Variants in HK1 observed in about 807,000 individuals in gnomAD.
HK1 encodes the protein hexokinase 1.
A neutral mutation model predicts 91.6 loss-of-function variants in HK1; 28 were observed. That is an observed-to-expected ratio of 0.31 (90% CI 0.23 to 0.42). The LOEUF (loss-of-function observed/expected upper bound fraction) is 0.42. Among genes scored for constraint, HK1 ranks in the 10% least tolerant of loss-of-function variants. HK1 has a pLI of 1.00. For synonymous variants in HK1, 430 were observed against 468.1 expected (o/e 0.92, Z 1.05); for missense variants, 770 against 1,219.8 (o/e 0.63, Z 5.49).
intron 3 of HK1, among the ~76,000 whole-genome samples, chr10:69,288,929 G>T (rs1175083941): frequency 6.6e-6 from 1 of 152,198 alleles, no homozygotes. Context: ...GGGATTACAG[G>T]CATGGGCCAC....
rs941768143 is a variant in HK1, at chr10:69,382,655, C to T, written c.1434C>T (p.His478=). Residue 478 remains histidine, a synonymous_variant, in exon 10 of 18, where the codon CAC becomes CAT. Transcript: ENST00000359426. ...RQIEETLAHF[H]LTKDMLLEVK... ...TAGAGGAGACCCTGGCTCATTTCCA[C>T]CTCACCAAGGACATGCTGCTGGAGG... The T allele has an allele frequency of 5.0e-6, 8 of 1,614,148 alleles. No homozygotes were observed. The highest frequency in any genetic ancestry group is 5.9e-6 in the Non-Finnish European group (7 of 1,180,022).
intron 1 of HK1, among the ~76,000 whole-genome samples, chr10:69,277,991 C>CCGTTG (rs1844552959): frequency 6.6e-6 from 1 of 151,968 alleles, no homozygotes; most frequent in Non-Finnish European, 1.5e-5. Flanking sequence ...CGAGATTGTG[C>CCGTTG]CATTGCACTC....
intron 1 of HK1, among the ~76,000 whole-genome samples, chr10:69,336,657 T>C (rs1164301613): frequency 1.3e-5 from 2 of 148,512 alleles, no homozygotes; most frequent in Non-Finnish European, 3.0e-5. Flanking sequence ...TTTTTTTTTT[T>C]GAGATGGATT....
intron 1 of HK1, among the ~76,000 whole-genome samples, chr10:69,332,707 A>G (rs1847798963): frequency 6.6e-6 from 1 of 151,988 alleles, no homozygotes; most frequent in Non-Finnish European, 1.5e-5. Flanking sequence ...AGATAAGGTA[A>G]ATGATTCCTG....
chr10:69,356,300 C>T (rs917573814), intron 2 of HK1, among the ~76,000 whole-genome samples: 3 of 151,662 alleles, frequency 2.0e-5, no homozygotes, highest in African/African-American at 4.8e-5. Flanking sequence ...CAGGTGTGGT[C>T]GTATGCCTGT....
intron 2 of HK1, among the ~76,000 whole-genome samples, chr10:69,286,055 C>T (rs1845016903): frequency 6.6e-6 from 1 of 152,140 alleles, no homozygotes; most frequent in Admixed American, 6.5e-5. Flanking sequence ...TCTGCAAGTA[C>T]TTTGGTAACT....
chr10:69,276,116 A>ATATATATATAT (rs1369009775), intron 1 of HK1, among the ~76,000 whole-genome samples: 8 of 42,558 alleles, frequency 1.9e-4, no homozygotes, highest in African/African-American at 5.0e-4. Context: ...AAAAAAAAAA[A>ATATATATATAT]AAATACATAT....
intron 1 of HK1, among the ~76,000 whole-genome samples, chr10:69,275,691 T>A (rs903017227): frequency 6.6e-6 from 1 of 152,210 alleles, no homozygotes; most frequent in African/African-American, 2.4e-5. Context: ...ATTCAGTTTG[T>A]CAATCCCTGG....
intron 2 of HK1, among the ~76,000 whole-genome samples, chr10:69,345,937 C>T (rs1237055597): frequency 6.6e-6 from 1 of 152,148 alleles, no homozygotes; most frequent in African/African-American, 2.4e-5. Flanking sequence ...CGGCACCCCC[C>T]CATTCCAAAT....
intron 1 of HK1, among the ~76,000 whole-genome samples, chr10:69,331,976 T>G (rs1847750977): frequency 6.6e-6 from 1 of 152,224 alleles, no homozygotes; most frequent in South Asian, 2.1e-4. Flanking sequence ...TTTGGGAGTC[T>G]GAGGCAGAAG....
At chr10:69,325,644 G>T (rs1164959595) in intron 1 of HK1, among the ~76,000 whole-genome samples, 1 of 150,698 alleles carries the variant, frequency 6.6e-6, no homozygotes, top group African/African-American at 2.4e-5. Flanking sequence ...TTCTGCCTCA[G>T]TGCCCCCCCC....
Position 69,384,887 on chromosome 10 carries a change from T to G in HK1, c.1811T>G (p.Phe604Cys). 6.2e-7 allele frequency: 1 copy of G among 1,614,184 alleles called. No individual in the cohort carries two copies. Among genetic ancestry groups the G allele is most frequent in the Non-Finnish European group, 8.5e-7 (1 of 1,180,024 alleles). The change falls in exon 12 of 18, where the codon TTT (phenylalanine) becomes TGT (cysteine). Residue 604 changes from phenylalanine to cysteine, a missense_variant. Phe to Cys is a radical substitution (Grantham distance 205). Coordinates refer to ENST00000359426, the MANE Select transcript of HK1 (RefSeq NM_000188.3). ...ATGCCTCTGGGCTTCACGTTCTCATTTCCCTGCCAGCAGACGAGTCTGGAC... is the reference window on the plus strand; with the variant it reads ...ATGCCTCTGGGCTTCACGTTCTCATGTCCCTGCCAGCAGACGAGTCTGGAC... ...PRMPLGFTFSFPCQQTSLDAG... is the reference protein window; with the variant it reads ...PRMPLGFTFSCPCQQTSLDAG...
intron 1 of HK1, among the ~76,000 whole-genome samples, chr10:69,341,334 G>A (rs1848282093): frequency 6.6e-6 from 1 of 150,718 alleles, no homozygotes; most frequent in Non-Finnish European, 1.5e-5. Context: ...GCTAATTTTT[G>A]TATTTTTTTA....
At chr10:69,351,146 G>A (rs981581100) in intron 2 of HK1, among the ~76,000 whole-genome samples, 1 of 151,432 alleles carries the variant, frequency 6.6e-6, no homozygotes, top group Non-Finnish European at 1.5e-5. Flanking sequence ...CTGCACTCCA[G>A]CCTGGGCGAC....
intron 1 of HK1, among the ~76,000 whole-genome samples, chr10:69,326,126 G>C (rs570120032): frequency 4.0e-5 from 6 of 150,068 alleles, no homozygotes; most frequent in Admixed American, 4.0e-4. Flanking sequence ...GAGCCACCGC[G>C]CCTGGCCGCT....
In HK1 at chr10:69,376,956, A is replaced by G. The variant is rs775206403; in HGVS notation, c.898A>G (p.Met300Val). 38 of 1,614,074 alleles carry G rather than the reference A, an allele frequency of 2.4e-5. No homozygotes were observed. Among genetic ancestry groups the G allele is most frequent in the South Asian group, 1.1e-4 (10 of 91,086 alleles). Reference sequence around the variant, plus strand: ...CAGGTTTGAGAAGATGGTCAGTGGCATGTACTTGGGAGAGCTGGTTCGACT... The same window carrying G: ...CAGGTTTGAGAAGATGGTCAGTGGCGTGTACTTGGGAGAGCTGGTTCGACT... ...KQLFEKMVSG[M>V]YLGELVRLIL... Residue 300 changes from methionine to valine, a missense_variant, in exon 8 of 18, where the codon ATG (methionine) becomes GTG (valine). Coordinates refer to ENST00000359426, the MANE Select transcript of HK1 (RefSeq NM_000188.3).
At chr10:69,277,264 A>C (rs1589429033) in intron 1 of HK1, among the ~76,000 whole-genome samples, 1 of 152,276 alleles carries the variant, frequency 6.6e-6, no homozygotes, top group Non-Finnish European at 1.5e-5. Flanking sequence ...GTGTCTCTGA[A>C]AGCATTTAAA....
At chr10:69,397,432 GTGTC>G (rs1840192206) in intron 16 of HK1, among the ~76,000 whole-genome samples, 1 of 151,866 alleles carries the variant, frequency 6.6e-6, no homozygotes, top group African/African-American at 2.4e-5. Flanking sequence ...TAGCTACATA[GTGTC>G]TGTAAGTAAA....
chr10:69,284,495 A>G (rs1844919843), intron 2 of HK1, among the ~76,000 whole-genome samples: 1 of 152,040 alleles, frequency 6.6e-6, no homozygotes, highest in Non-Finnish European at 1.5e-5. Context: ...TGTAAAAAAA[A>G]GCATCACTGG....
Sources: allele counts gnomAD v4.1 joint callset (sites outside exome capture counted in the v4.1 genomes callset), GRCh38; gene constraint gnomAD v4.1.1; transcripts MANE v1.5; gene names NCBI Gene and HGNC (gene_info 2026-07-23, HGNC 2026-07-21).